SPIDR: variants seen among roughly 807,000 people sequenced by gnomAD.
The protein encoded by SPIDR is DNA repair-scaffolding protein.
Under a neutral mutation model 104.6 loss-of-function variants are expected in SPIDR, and 93 were observed. The ratio of observed to expected loss-of-function variants is 0.89; its 90% CI spans 0.75 to 1.06. SPIDR has a LOEUF of 1.06. Ranked by LOEUF, SPIDR falls within the 50% of genes least tolerant of loss-of-function variation. The pLI, the probability that SPIDR is intolerant of heterozygous loss-of-function variation, is 0.00. For missense variants in SPIDR, 1,154 were observed against 1,111.2 expected (o/e 1.04, Z -0.55); for synonymous variants, 431 against 416.9 (o/e 1.03, Z -0.41).
At chr8:47,423,741 G>A (rs2065960706) in intron 7 of SPIDR, among the ~76,000 whole-genome samples, 1 of 152,250 alleles carries the variant, frequency 6.6e-6, no homozygotes, top group African/African-American at 2.4e-5. Context: ...TGGAGGCCTT[G>A]GCTGGGTTTC....
chr8:47,351,591 CTT>C (rs1177972763), intron 5 of SPIDR, among the ~76,000 whole-genome samples: 1 of 152,106 alleles, frequency 6.6e-6, no homozygotes, highest in African/African-American at 2.4e-5. Flanking sequence ...GAAAGCATAA[CTT>C]TTAAAGTACA....
intron 8 of SPIDR, among the ~76,000 whole-genome samples, chr8:47,567,750 T>C (rs1040190782): frequency 6.6e-6 from 1 of 151,690 alleles, no homozygotes; most frequent in Non-Finnish European, 1.5e-5. Context: ...CTTGAACTTT[T>C]GTTTTCTTCT....
intron 8 of SPIDR, among the ~76,000 whole-genome samples, chr8:47,592,837 C>T (rs1450933936): frequency 6.6e-6 from 1 of 152,008 alleles, no homozygotes; most frequent in African/African-American, 2.4e-5. Flanking sequence ...TTATCTATAG[C>T]CTTCCATTTC....
At chr8:47,387,672 T>C (rs896427343) in intron 5 of SPIDR, among the ~76,000 whole-genome samples, 6 of 152,190 alleles carry the variant, frequency 3.9e-5, no homozygotes. Context: ...TTTGTGAATA[T>C]GTGAATTGAA....
chr8:47,629,677 A>G (rs1427453002), intron 10 of SPIDR, among the ~76,000 whole-genome samples: 1 of 152,232 alleles, frequency 6.6e-6, no homozygotes, highest in African/African-American at 2.4e-5. Flanking sequence ...CATTGAACCT[A>G]GGAGAGGTGG....
At chr8:47,375,458 T>C (rs2058552794) in intron 5 of SPIDR, among the ~76,000 whole-genome samples, 1 of 151,762 alleles carries the variant, frequency 6.6e-6, no homozygotes, top group African/African-American at 2.4e-5. Context: ...GCCAAGCTGG[T>C]CTCGAACTCC....
At chr8:47,711,013 C>T (rs2081806043) in intron 14 of SPIDR, among the ~76,000 whole-genome samples, 1 of 152,198 alleles carries the variant, frequency 6.6e-6, no homozygotes, top group South Asian at 2.1e-4. Flanking sequence ...ATCCTCCCGC[C>T]TCAGCCTCCC....
chr8:47,534,715 C>G (rs776119720), intron 8 of SPIDR, among the ~76,000 whole-genome samples: 29 of 152,086 alleles, frequency 1.9e-4, no homozygotes, highest in Middle Eastern at 3.4e-3. Context: ...ATAATACATA[C>G]AAAAAACCCC....
intron 8 of SPIDR, among the ~76,000 whole-genome samples, chr8:47,502,241 A>G (rs771328588): frequency 1.2e-4 from 18 of 152,110 alleles, no homozygotes; most frequent in East Asian, 1.9e-4. Context: ...TGTACCTCTG[A>G]TAGAATTCGG....
intron 5 of SPIDR, among the ~76,000 whole-genome samples, chr8:47,387,627 C>T (rs1431049804): frequency 2.6e-5 from 4 of 152,164 alleles, no homozygotes; most frequent in African/African-American, 9.7e-5. Context: ...AGGAACATAT[C>T]AGGAGTTTGA....
intron 8 of SPIDR, among the ~76,000 whole-genome samples, chr8:47,561,907 G>A (rs1275578489): frequency 6.6e-6 from 1 of 152,216 alleles, no homozygotes; most frequent in Non-Finnish European, 1.5e-5. Context: ...TGTTTGTAAA[G>A]CATGACTACA....
chr8:47,521,992 C>T lies in SPIDR; in HGVS notation c.1098-73819C>T, dbSNP rs560885428. On this transcript the variant is annotated intron_variant, in intron 8 of 19. Transcript: ENST00000297423. Reference sequence around the variant, plus strand: ...CAGCCTGGCCAACATGGTGAAACCCCGTGTCTACTAAAAATACAAAAATTA... The same window carrying T: ...CAGCCTGGCCAACATGGTGAAACCCTGTGTCTACTAAAAATACAAAAATTA... 1.6e-3 allele frequency among the ~76,000 whole-genome samples: 243 copies of T among 151,364 alleles called. 1 individual carries two copies. Among genetic ancestry groups the T allele is most frequent in the African/African-American group, 5.7e-3 (234 of 41,354 alleles).
intron 7 of SPIDR, among the ~76,000 whole-genome samples, chr8:47,409,337 G>T (rs967401673): frequency 6.6e-6 from 1 of 151,696 alleles, no homozygotes; most frequent in African/African-American, 2.4e-5. Context: ...AAGGTCTAAT[G>T]ACTGAAAACT....
In SPIDR at chr8:47,492,279, T is replaced by A. The variant is rs545956456; in HGVS notation, c.1097+51737T>A. Among the ~76,000 whole-genome samples, 16 of 152,296 alleles carry A rather than the reference T, an allele frequency of 1.1e-4. No homozygotes were observed. In the East Asian group the frequency reaches 3.1e-3, roughly 29 times the overall value. ...ACACAGACGTGGCCTGGACTGCACC[T>A]ACACATAATTTTATTCTTCCCAAGG... On this transcript the variant is annotated intron_variant, in intron 8 of 19. Transcript: ENST00000297423.
intron 8 of SPIDR, among the ~76,000 whole-genome samples, chr8:47,487,445 A>G (rs1051079055): frequency 5.9e-5 from 9 of 152,068 alleles, no homozygotes; most frequent in African/African-American, 1.7e-4. Flanking sequence ...AGACAGATCA[A>G]CGAGACAGAA....
intron 8 of SPIDR, among the ~76,000 whole-genome samples, chr8:47,575,460 G>A (rs1353355254): frequency 2.6e-5 from 4 of 151,130 alleles, no homozygotes; most frequent in Admixed American, 2.0e-4. Flanking sequence ...TGGCTAACAC[G>A]GTGAAACCCC....
At chr8:47,429,234 G>A (rs1554687343) in intron 7 of SPIDR, among the ~76,000 whole-genome samples, 1 of 152,090 alleles carries the variant, frequency 6.6e-6, no homozygotes, top group South Asian at 2.1e-4. Context: ...ATAATGGTGG[G>A]ACCTAGAAAT....
At chr8:47,466,765 A>C (rs2074853424) in intron 8 of SPIDR, among the ~76,000 whole-genome samples, 1 of 143,606 alleles carries the variant, frequency 7.0e-6, no homozygotes, top group African/African-American at 2.9e-5. Flanking sequence ...AAAGAACTAG[A>C]AAACCAAAAG....
chr8:47,645,173 CAAG>C (rs2070073662), intron 10 of SPIDR, among the ~76,000 whole-genome samples: 1 of 152,048 alleles, frequency 6.6e-6, no homozygotes, highest in Non-Finnish European at 1.5e-5. Context: ...TGTGGAGGTA[CAAG>C]AATAGGAACA....
Sources: gnomAD v4.1 joint callset for allele counts (sites outside exome capture counted in the v4.1 genomes callset) on GRCh38, gnomAD v4.1.1 for gene constraint, MANE v1.5 for transcripts, NCBI Gene and HGNC (gene_info 2026-07-23, HGNC 2026-07-21) for gene names.